CYP4Z1: variants seen among roughly 807,000 people sequenced by gnomAD.
CYP4Z1 encodes the protein cytochrome P450 4Z1.
A neutral mutation model predicts 54.2 loss-of-function variants in CYP4Z1; 41 were observed. The observed-to-expected ratio is 0.76, with a 90% CI of 0.59 to 0.98. The LOEUF (loss-of-function observed/expected upper bound fraction) is 0.98. Ranked by LOEUF, CYP4Z1 falls within the 50% of genes least tolerant of loss-of-function variation. The pLI is 0.00. For synonymous variants in CYP4Z1, 163 were observed against 206.2 expected (o/e 0.79, Z 1.79); for missense variants, 513 against 599.0 (o/e 0.86, Z 1.50).
chr1:47,116,400 G>T (rs1644830414), intron 10 of CYP4Z1, among the ~76,000 whole-genome samples: 2 of 152,184 alleles, frequency 1.3e-5, no homozygotes, highest in African/African-American at 4.8e-5. Flanking sequence ...ATTTGCTGCT[G>T]CTTCTTACTA....
rs374204130 is a variant in CYP4Z1, at chr1:47,082,476, G to A, written c.492+15G>A. On this transcript the variant is annotated intron_variant, in intron 4 of 11. Coordinates refer to ENST00000334194, the MANE Select transcript of CYP4Z1 (RefSeq NM_178134.3). ...GGATGATGCTGGTAAGAGGAGAAGA[G>A]AGCATTCGTACCTGGCCTCTGAAGT... 2.2e-4 allele frequency: 357 copies of A among 1,602,236 alleles called. 1 individual carries two copies. In the African/African-American group the frequency reaches 4.2e-3, roughly 19 times the overall value.
rs765174674 is a variant in CYP4Z1 at position 47,117,925 on chromosome 1, A to G, written c.1509A>G (p.Lys503=). The G allele has an allele frequency of 1.2e-6, 2 of 1,612,812 alleles. No individual in the cohort carries two copies. The highest frequency in any genetic ancestry group is 2.7e-5 in the African/African-American group (2 of 74,986). Residue 503 remains lysine (K), a synonymous_variant, in exon 12 of 12, where the codon AAA becomes AAG. Coordinates refer to ENST00000334194, the MANE Select transcript of CYP4Z1 (RefSeq NM_178134.3). ...SKNGIHVFAK[K]VC is the part of the protein sequence containing the mutation. ...ATGGAATCCATGTGTTTGCAAAAAAAGTTTGCTAATTTTAAGTCCTTTCGT... is the reference window on the plus strand; with the variant it reads ...ATGGAATCCATGTGTTTGCAAAAAAGGTTTGCTAATTTTAAGTCCTTTCGT...
chr1:47,096,179 A>AAG (rs1439434997), intron 7 of CYP4Z1, among the ~76,000 whole-genome samples: 1 of 152,204 alleles, frequency 6.6e-6, no homozygotes, highest in African/African-American at 2.4e-5. Context: ...GCGACTCAGA[A>AAG]GACAGAGGCA....
intron 8 of CYP4Z1, among the ~76,000 whole-genome samples, chr1:47,103,324 C>T (rs1219186017): frequency 6.7e-6 from 1 of 150,168 alleles, no homozygotes; most frequent in African/African-American, 2.5e-5. Flanking sequence ...GGATTACAGG[C>T]ATGTGCCACC....
In CYP4Z1 at chr1:47,068,598, C is replaced by T. The variant is rs573617362; in HGVS notation, c.178-24C>T. ...TCCTGGGGTGACAACCTTTACTAAC[C>T]AGTCATGACTTATCTTATGACAGTT... On this transcript the variant is annotated intron_variant, in intron 1 of 11. Transcript: ENST00000334194. 35 of 1,612,086 alleles carry T rather than the reference C, an allele frequency of 2.2e-5. No homozygotes were observed. In the South Asian group the frequency reaches 2.5e-4, roughly 12 times the overall value.
intron 6 of CYP4Z1, among the ~76,000 whole-genome samples, chr1:47,086,002 G>A (rs1644591544): frequency 6.6e-6 from 1 of 151,888 alleles, no homozygotes. Flanking sequence ...CTTCATCCAT[G>A]TCCCTACAAA....
In CYP4Z1 at chr1:47,099,095, G is replaced by A. The variant is rs199842930; in HGVS notation, c.878G>A (p.Ser293Asn). 4.9e-5 allele frequency: 79 copies of A among 1,614,018 alleles called. No individual in the cohort carries two copies. Among genetic ancestry groups the A allele is most frequent in the Non-Finnish European group, 5.9e-5 (70 of 1,179,944 alleles). The stretch of plus-strand genomic sequence containing the variant: ...AAAGATCATCACTGTATTTTTTAGA[G>A]CGAAAACACCAAAGATTTCTCTGAA... ...DFLDILLSAK[S>N]ENTKDFSEAD... The change falls in exon 8 of 12, where the codon AGC becomes AAC. Residue 293 changes from serine (S) to asparagine (N), a missense_variant and splice_region_variant. Coordinates refer to ENST00000334194, the MANE Select transcript of CYP4Z1 (RefSeq NM_178134.3).
chr1:47,086,168 C>A (rs966438213), intron 6 of CYP4Z1, among the ~76,000 whole-genome samples: 4 of 152,146 alleles, frequency 2.6e-5, no homozygotes, highest in Non-Finnish European at 2.9e-5. Context: ...GTGCATGTGT[C>A]TTTATAGCAG....
chr1:47,090,012 A>G (rs1436407374), intron 6 of CYP4Z1, among the ~76,000 whole-genome samples: 3 of 152,232 alleles, frequency 2.0e-5, no homozygotes, highest in Non-Finnish European at 4.4e-5. Flanking sequence ...ACTTTCATAG[A>G]CCCTCTTACA....
intron 9 of CYP4Z1, among the ~76,000 whole-genome samples, chr1:47,113,817 C>T (rs749054812): frequency 6.6e-6 from 1 of 152,134 alleles, no homozygotes. Flanking sequence ...AATGGAAGAA[C>T]ATTCCATGCT....
the CYP4Z1 span, among the ~76,000 whole-genome samples, chr1:47,061,726 C>CA: frequency 1.3e-5 from 2 of 151,964 alleles, no homozygotes; most frequent in Non-Finnish European, 1.5e-5. Context: ...AGAGACACAA[C>CA]AAAAAAAGAA....
intron 9 of CYP4Z1, among the ~76,000 whole-genome samples, chr1:47,111,333 G>A (rs1385619763): frequency 1.3e-5 from 2 of 152,086 alleles, no homozygotes; most frequent in African/African-American, 4.8e-5. Flanking sequence ...ACAGGCGCAT[G>A]TCACCACGCC....
intron 6 of CYP4Z1, among the ~76,000 whole-genome samples, chr1:47,089,454 G>A (rs1279510225): frequency 1.3e-5 from 2 of 151,812 alleles, no homozygotes; most frequent in Non-Finnish European, 2.9e-5. Flanking sequence ...CTAATGACAA[G>A]TCAAGGGGGA....
chr1:47,068,321 C>T (rs1644465353), intron 1 of CYP4Z1, among the ~76,000 whole-genome samples: 1 of 152,070 alleles, frequency 6.6e-6, no homozygotes, highest in African/African-American at 2.4e-5. Flanking sequence ...AAATCATGGC[C>T]CTGATGACCT....
intron 6 of CYP4Z1, among the ~76,000 whole-genome samples, chr1:47,088,643 G>T (rs1191683256): frequency 7.2e-6 from 1 of 137,936 alleles, no homozygotes; most frequent in Non-Finnish European, 1.5e-5. Flanking sequence ...TTGAGACAGG[G>T]TCTCACCTTA....
In CYP4Z1 at chr1:47,117,968, A is replaced by C; in HGVS notation, c.*34A>C. ...CCTTTCGTATAAGAATTAATGAGAC[A>C]ATTTTCCTACCAAAGGAAGAACAAA... is the stretch of plus-strand genomic sequence containing the variant. On this transcript the variant is annotated 3_prime_UTR_variant, in exon 12 of 12. Coordinates refer to ENST00000334194, the MANE Select transcript of CYP4Z1 (RefSeq NM_178134.3). The C allele has an allele frequency of 6.3e-7, 1 of 1,596,330 alleles. No homozygotes were observed. Among genetic ancestry groups the C allele is most frequent in the Non-Finnish European group, 8.6e-7 (1 of 1,167,074 alleles).
rs574978089 is a variant in CYP4Z1, at chr1:47,115,449, T to A, written c.1202-80T>A. ...TACCCTAAAACTTAAAGTATAATTT[T>A]AAAAAAAAAGTAAAAGAGAAAAAAA... On this transcript the variant is annotated intron_variant, in intron 9 of 11. Coordinates refer to ENST00000334194, the MANE Select transcript of CYP4Z1 (RefSeq NM_178134.3). 1,358 of 1,309,006 alleles carry A rather than the reference T, an allele frequency of 1.0e-3. 1 individual carries two copies. The highest frequency in any genetic ancestry group is 3.1e-3 in the African/African-American group (201 of 65,526). The allele number at this position is 1,309,006 out of a possible 1,614,324, so 81.1% of individuals were successfully genotyped here.
intron 2 of CYP4Z1, among the ~76,000 whole-genome samples, chr1:47,079,321 C>T (rs1644547336): frequency 6.6e-6 from 1 of 152,056 alleles, no homozygotes; most frequent in African/African-American, 2.4e-5. Context: ...ATTAAGTGTG[C>T]ACCTGGTTGC....
intron 2 of CYP4Z1, among the ~76,000 whole-genome samples, chr1:47,077,461 T>G (rs961496406): frequency 3.3e-5 from 5 of 152,188 alleles, no homozygotes. Flanking sequence ...TCTTCAGATC[T>G]AAAGTGAGTC....
Sources: allele counts gnomAD v4.1 joint callset (sites outside exome capture counted in the v4.1 genomes callset), GRCh38; gene constraint gnomAD v4.1.1; transcripts MANE v1.5; gene names NCBI Gene and HGNC (gene_info 2026-07-23, HGNC 2026-07-21).